The following MON1A variants were observed in gnomAD, a reference collection of about 807,000 sequenced individuals.
The protein encoded by MON1A is vacuolar fusion protein MON1 homolog A.
Under a neutral mutation model 44.6 loss-of-function variants are expected in MON1A, and 29 were observed. That is an observed-to-expected ratio of 0.65 (90% CI 0.48 to 0.89). The LOEUF (loss-of-function observed/expected upper bound fraction) is 0.89. MON1A is among the 40% of genes least tolerant of loss of function. The probability of loss-of-function intolerance (pLI) is 0.00; values close to 1 mark genes in which losing one functional copy is unlikely to be tolerated. For missense variants in MON1A, 615 were observed against 759.6 expected, an observed-to-expected ratio of 0.81 and a Z score of 2.24; for synonymous variants, 275 against 316.4, an observed-to-expected ratio of 0.87 and a Z score of 1.39.
At chr3:49,923,321 G>A (rs2083020404) in intron 1 of MON1A, among the ~76,000 whole-genome samples, 1 of 129,628 alleles carries the variant, frequency 7.7e-6, no homozygotes, top group African/African-American at 2.8e-5. Context: ...GACACAGCGA[G>A]ACTCTGGGAG....
chr3:49,910,579 T>C lies in MON1A; in HGVS notation c.919A>G (p.Ser307Gly), dbSNP rs1559491411. ...PLAAAVRDTV[S>G]ASLQQARARS... ...GCACGCGCCTGCTGCAGGCTGGCGC[T>C]CACAGTGTCGCGCACGGCCGCCGCC... Residue 307 changes from serine to glycine, a missense_variant, in exon 4 of 6, where the codon AGC (serine) becomes GGC (glycine). Transcript: ENST00000296473. The surrounding 1 kb of genome is among the most constrained non-coding windows in gnomAD (Gnocchi z 8.0). 2 of 1,608,658 alleles carry C rather than the reference T, an allele frequency of 1.2e-6. No homozygotes were observed. Among genetic ancestry groups the C allele is most frequent in the Admixed American group, 1.7e-5 (1 of 59,200 alleles).
At position 49,909,909 on chromosome 3, in the gene MON1A, C is replaced by A. The variant is rs2082853838; in HGVS notation, c.1379+210G>T. On this transcript the variant is annotated intron_variant, in intron 4 of 5. Coordinates refer to ENST00000296473, the MANE Select transcript of MON1A (RefSeq NM_032355.4). The surrounding 1 kb of genome is among the most constrained non-coding windows in gnomAD (Gnocchi z 4.0). ...TCTGGGTATATTGGGCATTTCCAGG[C>A]CTTCTGGTTAATAAAGTAGAGAGGG... The A allele has an allele frequency of 3.7e-6, 2 of 543,306 alleles. No individual in the cohort carries two copies. Among genetic ancestry groups the A allele is most frequent in the South Asian group, 3.5e-5 (1 of 28,664 alleles). 33.7% of individuals were successfully genotyped at this position (543,306 alleles called of 1,614,324 possible).
Position 49,910,989 on chromosome 3 carries a change from A to C in MON1A, c.614-105T>G, listed in dbSNP as rs2082871625. The C allele has an allele frequency of 8.9e-7, 1 of 1,125,716 alleles. No individual in the cohort carries two copies. The highest frequency in any genetic ancestry group is 1.6e-5 in the African/African-American group (1 of 64,066). 69.7% of individuals were successfully genotyped at this position (1,125,716 alleles called of 1,614,324 possible). A position where few individuals can be genotyped will look rare whatever the true frequency, so the allele number is the denominator to read the frequency against. ...CTTTCCCCATCCTTTCCTCGCTCAG[A>C]GCTCTGCGCACAGTAGGGGTTTAAG... On this transcript the variant is annotated intron_variant, in intron 3 of 5. Transcript: ENST00000296473. The surrounding 1 kb of genome is among the most constrained non-coding windows in gnomAD (Gnocchi z 8.0).
chr3:49,925,667 A>G (rs900371022), intron 1 of MON1A, among the ~76,000 whole-genome samples: 2 of 152,144 alleles, frequency 1.3e-5, no homozygotes, highest in Admixed American at 1.3e-4. Flanking sequence ...TGAGTACAGG[A>G]GGTCAAGGCT....
intron 1 of MON1A, among the ~76,000 whole-genome samples, chr3:49,918,771 A>G (rs1488890237): frequency 6.6e-6 from 1 of 152,088 alleles, no homozygotes; most frequent in African/African-American, 2.4e-5. Flanking sequence ...CTCCATGTGT[A>G]CACCAGAGCC....
chr3:49,913,511 A>G (rs1326096430), intron 1 of MON1A, among the ~76,000 whole-genome samples, 152 bp from the exon 2 acceptor site: 4 of 151,924 alleles, frequency 2.6e-5, no homozygotes, highest in Admixed American at 2.0e-4. Context: ...TCAAAAAAAT[A>G]TATACTGTTC....
At position 49,910,536 on chromosome 3, in the gene MON1A, GAGA is replaced by G. The variant is rs2082864400; in HGVS notation, c.959_961del (p.Phe320del). 3 of 1,613,698 alleles carry G rather than the reference GAGA, an allele frequency of 1.9e-6. No homozygotes were observed. Among genetic ancestry groups the G allele is most frequent in the Non-Finnish European group, 2.5e-6 (3 of 1,179,828 alleles). ...GAGCTGGTTGCGGGCCAGCAGGATG[GAGA>G]AGACCAGGCTGCGCGCACGCGCCTG... On this transcript the variant is annotated inframe_deletion, in exon 4 of 6. Transcript: ENST00000296473. The surrounding 1 kb of genome is among the most constrained non-coding windows in gnomAD (Gnocchi z 8.0).
rs894365811 is a variant in MON1A, at chr3:49,910,003, T to C, written c.1379+116A>G. 2.5e-6 allele frequency: 3 copies of C among 1,213,742 alleles called. No homozygotes were observed. The highest frequency in any genetic ancestry group is 3.5e-6 in the Non-Finnish European group (3 of 862,530). The allele number at this position is 1,213,742 out of a possible 1,614,324, so 75.2% of individuals were successfully genotyped here. A position where few individuals can be genotyped will look rare whatever the true frequency, so the allele number is the denominator to read the frequency against. The stretch of plus-strand genomic sequence containing the variant: ...GTAAAACAGGCCCAGCACACTGGTC[T>C]GCTTCCAAAGGTAGGGACAGCTTCA... On this transcript the variant is annotated intron_variant, in intron 4 of 5. Transcript: ENST00000296473. The surrounding 1 kb of genome is among the most constrained non-coding windows in gnomAD (Gnocchi z 8.0).
Position 49,913,259 on chromosome 3 carries a change from C to G in MON1A, c.88G>C (p.Glu30Gln), listed in dbSNP as rs760700841. ...TGGGCCATTCCTGGTGTGGGGCTCTCAGCTCTCTCCATACTCTGTCCATCA... is the reference window on the plus strand; with the variant it reads ...TGGGCCATTCCTGGTGTGGGGCTCTGAGCTCTCTCCATACTCTGTCCATCA... ...PSDGQSMERAESPTPGMAQGM... is the reference protein window; with the variant it reads ...PSDGQSMERAQSPTPGMAQGM... Residue 30 changes from glutamate to glutamine, a missense_variant, in exon 2 of 6, where the codon GAG becomes CAG. By Grantham distance (29) the Glu-to-Gln change is conservative (BLOSUM62 2). Transcript: ENST00000296473. 11 of 1,614,224 alleles carry G rather than the reference C, an allele frequency of 6.8e-6. No individual in the cohort carries two copies. In the Admixed American group the frequency reaches 1.2e-4, roughly 17 times the overall value.
chr3:49,929,667 C>G lies in MON1A; in HGVS notation c.-72G>C. ...GTGCCGGTCACTGCCCTCTGCCGGA[C>G]CCATGGAGGGGTAAGGGTGTCCGGC... On this transcript the variant is annotated 5_prime_UTR_variant, in exon 1 of 6. Coordinates refer to ENST00000296473, the MANE Select transcript of MON1A (RefSeq NM_032355.4). 2 of 1,551,364 alleles carry G rather than the reference C, an allele frequency of 1.3e-6. No individual in the cohort carries two copies. Among genetic ancestry groups the G allele is most frequent in the South Asian group, 2.4e-5 (2 of 84,064 alleles).
intron 1 of MON1A, among the ~76,000 whole-genome samples, chr3:49,927,045 C>T (rs927175703): frequency 7.2e-5 from 11 of 152,192 alleles, no homozygotes; most frequent in African/African-American, 2.7e-4. Flanking sequence ...TCCCAAAGTG[C>T]TGGGATTACA....
rs900535060 is a variant in MON1A at position 49,917,789 on chromosome 3, G to A, written c.-13-4430C>T. On this transcript the variant is annotated intron_variant, in intron 1 of 5. Transcript: ENST00000296473. ...GGGGCGAGTGTGGTGGCTCACGCCTGTAATCCCAGCACTTTGGGAAGCCGA... is the reference window on the plus strand; with the variant it reads ...GGGGCGAGTGTGGTGGCTCACGCCTATAATCCCAGCACTTTGGGAAGCCGA... Among the ~76,000 whole-genome samples, 6 of 151,238 alleles carry A rather than the reference G, an allele frequency of 4.0e-5. No homozygotes were observed. The East Asian group carries it at 1.2e-3, about 30-fold the overall frequency.
intron 1 of MON1A, among the ~76,000 whole-genome samples, chr3:49,918,233 A>G (rs2082964908): frequency 6.6e-6 from 1 of 151,706 alleles, no homozygotes; most frequent in South Asian, 2.1e-4. Flanking sequence ...GCTACTTGGG[A>G]GGCTGAGACA....
At position 49,909,434 on chromosome 3, in the gene MON1A, G is replaced by C. The variant is rs780338547; in HGVS notation, c.1380-34C>G. ...AGGGTGGAGGGAGTGGGTTTGCAAA[G>C]GAATGACTTCCACTGTCTTCTCTAG... On this transcript the variant is annotated intron_variant, in intron 4 of 5. Coordinates refer to ENST00000296473, the MANE Select transcript of MON1A (RefSeq NM_032355.4). This position sits in a 1 kb window ranked among gnomAD's most constrained non-coding sequence, Gnocchi z 4.0. 5.0e-6 allele frequency: 8 copies of C among 1,612,228 alleles called. No individual in the cohort carries two copies. The highest frequency in any genetic ancestry group is 6.8e-6 in the Non-Finnish European group (8 of 1,179,312).
intron 1 of MON1A, among the ~76,000 whole-genome samples, chr3:49,927,078 T>A (rs2083058394): frequency 6.6e-6 from 1 of 152,144 alleles, no homozygotes; most frequent in Non-Finnish European, 1.5e-5. Flanking sequence ...CGCGCCCAGC[T>A]GAACTTGTGT....
At position 49,909,190 on chromosome 3, in the gene MON1A, AGGCCCCTCAT is replaced by A; in HGVS notation, c.1528-46_1528-37del. On this transcript the variant is annotated intron_variant, in intron 5 of 5. Transcript: ENST00000296473. This position sits in a 1 kb window ranked among gnomAD's most constrained non-coding sequence, Gnocchi z 4.0. ...GGCAAAGGGTCGTCATCTAGGTTAG[AGGCCCCTCAT>A]GGCCCATACCTAGGACCTCCATAAA... 1.2e-6 allele frequency: 2 copies of A among 1,611,066 alleles called. No individual in the cohort carries two copies. The highest frequency in any genetic ancestry group is 1.7e-6 in the Non-Finnish European group (2 of 1,178,058).
chr3:49,914,788 C>A (rs1237907071), intron 1 of MON1A, among the ~76,000 whole-genome samples: 1 of 151,900 alleles, frequency 6.6e-6, no homozygotes, highest in Admixed American at 6.6e-5. Context: ...CCTTGTGATC[C>A]GCCTGCCTTG....
chr3:49,908,887 T>G lies in MON1A; in HGVS notation c.*127A>C. On this transcript the variant is annotated 3_prime_UTR_variant, in exon 6 of 6. Transcript: ENST00000296473. ...TGACAAGTGTCTTCCCCAAAGCACT[T>G]TAATGCATTCACCAACCCACAGTCC... 9.0e-7 allele frequency: 1 copy of G among 1,116,652 alleles called. No individual in the cohort carries two copies. The highest frequency in any genetic ancestry group is 1.3e-6 in the Non-Finnish European group (1 of 793,412). 69.2% of individuals were successfully genotyped at this position (1,116,652 alleles called of 1,614,324 possible).
intron 1 of MON1A, among the ~76,000 whole-genome samples, chr3:49,923,556 C>T (rs1473790207): frequency 1.3e-5 from 2 of 149,298 alleles, no homozygotes; most frequent in African/African-American, 2.5e-5. Context: ...CAGGTTCAAG[C>T]GATTCTCATG....
Sources: gnomAD v4.1 joint callset for allele counts (sites outside exome capture counted in the v4.1 genomes callset) on GRCh38, gnomAD v4.1.1 for gene constraint, Gnocchi (gnomAD v3.1) non-coding constraint, MANE v1.5 for transcripts, NCBI Gene and HGNC (gene_info 2026-07-23, HGNC 2026-07-21) for gene names.